The following SMURF1 variants were observed in gnomAD, a reference collection of about 807,000 sequenced individuals.
SMURF1 encodes the protein SMAD specific E3 ubiquitin protein ligase 1, also known as E3 ubiquitin-protein ligase SMURF1.
In SMURF1, 44 loss-of-function variants were observed where a neutral mutation model predicts 98.0. That is an observed-to-expected ratio of 0.45 (90% CI 0.35 to 0.58). The LOEUF (loss-of-function observed/expected upper bound fraction) is 0.58. Among genes scored for constraint, SMURF1 ranks in the 20% least tolerant of loss-of-function variants. The pLI, the probability that SMURF1 is intolerant of heterozygous loss-of-function variation, is 0.00. For synonymous variants in SMURF1, 396 were observed against 374.9 expected, an observed-to-expected ratio of 1.06 and a Z score of -0.65; for missense variants, 687 against 938.4, an observed-to-expected ratio of 0.73 and a Z score of 3.50.
Position 99,047,546 on chromosome 7 carries a change from T to C in SMURF1, c.1152+138A>G. ...CTCAAATACCAAACAGAAAGAAGGG[T>C]TCCCTGAAACGCAGACATCACCCAC... On this transcript the variant is annotated intron_variant, in intron 10 of 17. Coordinates refer to ENST00000361368, the MANE Select transcript of SMURF1 (RefSeq NM_181349.3). The C allele has an allele frequency of 9.6e-6, 8 of 836,400 alleles. No individual in the cohort carries two copies. The South Asian group carries it at 1.4e-4, about 15-fold the overall frequency. 51.8% of individuals were successfully genotyped at this position (836,400 alleles called of 1,614,324 possible). A position where few individuals can be genotyped will look rare whatever the true frequency, so the allele number is the denominator to read the frequency against.
At chr7:99,087,566 C>T (rs1241066277) in intron 1 of SMURF1, among the ~76,000 whole-genome samples, 1 of 152,142 alleles carries the variant, frequency 6.6e-6, no homozygotes, top group Non-Finnish European at 1.5e-5. Context: ...GACAATGGCA[C>T]CTATTGTAAA....
intron 1 of SMURF1, among the ~76,000 whole-genome samples, chr7:99,101,349 G>T (rs547284914): frequency 9.9e-5 from 15 of 152,238 alleles, no homozygotes; most frequent in Non-Finnish European, 2.1e-4. Context: ...TCCAGCATGG[G>T]TGATAGAACA....
chr7:99,134,736 G>C (rs1420808362), intron 1 of SMURF1, among the ~76,000 whole-genome samples: 1 of 152,056 alleles, frequency 6.6e-6, no homozygotes, highest in Non-Finnish European at 1.5e-5. Flanking sequence ...TTAAAGATGA[G>C]ATTATTTTAT....
intron 1 of SMURF1, among the ~76,000 whole-genome samples, chr7:99,125,233 C>A (rs1451184636): frequency 1.3e-5 from 2 of 152,044 alleles, no homozygotes; most frequent in Admixed American, 1.3e-4. Flanking sequence ...CATGCACCAC[C>A]ATGCCTGGCT....
intron 13 of SMURF1, among the ~76,000 whole-genome samples, chr7:99,039,111 T>G (rs1265841652): frequency 6.8e-6 from 1 of 147,534 alleles, no homozygotes; most frequent in Non-Finnish European, 1.5e-5. Context: ...GAGAATTGCT[T>G]GAACCTGGGA....
intron 1 of SMURF1, among the ~76,000 whole-genome samples, chr7:99,113,849 A>AG (rs1187064422): frequency 6.7e-6 from 1 of 149,962 alleles, no homozygotes; most frequent in African/African-American, 2.4e-5. Context: ...AAAAAAAAAA[A>AG]AAAAAAAAAA....
chr7:99,083,843 T>C (rs1796622202), intron 1 of SMURF1, among the ~76,000 whole-genome samples: 1 of 152,246 alleles, frequency 6.6e-6, no homozygotes, highest in Non-Finnish European at 1.5e-5. Context: ...GGTCTTTCTT[T>C]GTGTTGCATG....
At chr7:99,089,954 C>CA (rs1796773988) in intron 1 of SMURF1, among the ~76,000 whole-genome samples, 1 of 152,060 alleles carries the variant, frequency 6.6e-6, no homozygotes, top group Non-Finnish European at 1.5e-5. Context: ...TTAATAAGAA[C>CA]AATCAAAAAT....
At chr7:99,087,013 C>A (rs530056210) in intron 1 of SMURF1, among the ~76,000 whole-genome samples, 1 of 152,056 alleles carries the variant, frequency 6.6e-6, no homozygotes, top group South Asian at 2.1e-4. Flanking sequence ...TGTGGATATA[C>A]GGAAAATACT....
chr7:99,110,100 T>G (rs1342614822), intron 1 of SMURF1, among the ~76,000 whole-genome samples: 1 of 152,126 alleles, frequency 6.6e-6, no homozygotes, highest in Admixed American at 6.6e-5. Context: ...AAAACTATTA[T>G]AAAGAATAAG....
At chr7:99,055,260 G>A (rs1435009227) in intron 5 of SMURF1, among the ~76,000 whole-genome samples, 2 of 152,028 alleles carry the variant, frequency 1.3e-5, no homozygotes, top group East Asian at 1.9e-4. Flanking sequence ...CTGAGCTCAG[G>A]AGTTTGAGAC....
chr7:99,059,406 ATAAAATAAAAT>A (rs1235414747), intron 3 of SMURF1, among the ~76,000 whole-genome samples: 17 of 90,424 alleles, frequency 1.9e-4, no homozygotes, highest in African/African-American at 5.4e-4. Context: ...TCAAAAAAAA[ATAAAATAAAAT>A]AAAATAAAAT....
Position 99,049,690 on chromosome 7 carries a change from A to G in SMURF1, c.826T>C (p.Cys276Arg). 6.2e-7 allele frequency: 1 copy of G among 1,614,024 alleles called. No individual in the cohort carries two copies. Among genetic ancestry groups the G allele is most frequent in the Non-Finnish European group, 8.5e-7 (1 of 1,180,008 alleles). ...GGCGGCAGTGGTCCAAGTTCATCAC[A>G]GTTCACACTGTTAAGGTCTCTACCA... ...RIPRDLNSVN[C>R]DELGPLPPGW... The change falls in exon 9 of 18, where the codon TGT becomes CGT. Residue 276 changes from cysteine (C) to arginine (R), a missense_variant. Cys to Arg is a radical substitution (Grantham distance 180, BLOSUM62 -3). Transcript: ENST00000361368.
rs113278612 is a variant in SMURF1, at chr7:99,028,054, G to A, written c.*2530C>T. 592 of 152,742 alleles carry A rather than the reference G, an allele frequency of 3.9e-3. 2 individuals are homozygous for A. Among genetic ancestry groups the A allele is most frequent in the African/African-American group, 0.012 (518 of 41,540 alleles). 9.5% of individuals were successfully genotyped at this position (152,742 alleles called of 1,614,324 possible). A position where few individuals can be genotyped will look rare whatever the true frequency, so the allele number is the denominator to read the frequency against. The stretch of plus-strand genomic sequence containing the variant: ...GCTACATCCCTGAGTGTCGGCTGAC[G>A]GCCGCTGGTGAGGGCAAGCCTGAAA... On this transcript the variant is annotated 3_prime_UTR_variant, in exon 18 of 18. Transcript: ENST00000361368.
At chr7:99,032,987 C>T (rs761564082) in intron 17 of SMURF1, 50 bp downstream of exon 17, 2 of 1,562,370 alleles carry the variant, frequency 1.3e-6, no homozygotes, top group African/African-American at 1.4e-5. Flanking sequence ...TGAACGTCAG[C>T]ATCCTCTGGG....
In SMURF1 at chr7:99,059,060, G is replaced by A. The variant is rs1795953998; in HGVS notation, c.204-1509C>T. On this transcript the variant is annotated intron_variant, in intron 3 of 17. Coordinates refer to ENST00000361368, the MANE Select transcript of SMURF1 (RefSeq NM_181349.3). Reference sequence around the variant, plus strand: ...GATTGCGCCACTGCGCTCCAGCCTGGGCAACAGAGCGAGACTCTGTTTGAA... The same window carrying A: ...GATTGCGCCACTGCGCTCCAGCCTGAGCAACAGAGCGAGACTCTGTTTGAA... Among the ~76,000 whole-genome samples, 7 of 151,930 alleles carry A rather than the reference G, an allele frequency of 4.6e-5. No homozygotes were observed. The South Asian group carries it at 1.5e-3, about 31-fold the overall frequency.
intron 3 of SMURF1, among the ~76,000 whole-genome samples, chr7:99,058,526 C>CTACT (rs2150536044): frequency 6.6e-6 from 1 of 152,290 alleles, no homozygotes; most frequent in East Asian, 1.9e-4. Flanking sequence ...CGACAAGGGA[C>CTACT]TACTTACAAA....
intron 1 of SMURF1, among the ~76,000 whole-genome samples, chr7:99,086,941 G>A (rs971934693): frequency 2.0e-5 from 3 of 152,218 alleles, no homozygotes; most frequent in African/African-American, 4.8e-5. Context: ...GCTGAAATAT[G>A]TGGGGTTTCT....
At chr7:99,040,241 T>C (rs1795321091) in intron 13 of SMURF1, 137 bp downstream of exon 13, 11 of 975,244 alleles carry the variant, frequency 1.1e-5, no homozygotes, top group Non-Finnish European at 1.5e-5. Flanking sequence ...CCCCTTTTTT[T>C]GTTTCAGGTT....
Sources: gnomAD v4.1 joint callset for allele counts (sites outside exome capture counted in the v4.1 genomes callset) on GRCh38, gnomAD v4.1.1 for gene constraint, MANE v1.5 for transcripts, NCBI Gene and HGNC (gene_info 2026-07-23, HGNC 2026-07-21) for gene names.